SLC44A5: variants seen among roughly 807,000 people sequenced by gnomAD.
SLC44A5 encodes solute carrier family 44 member 5.
A neutral mutation model predicts 101.8 loss-of-function variants in SLC44A5; 57 were observed. The ratio of observed to expected loss-of-function variants is 0.56; its 90% CI spans 0.45 to 0.70. The LOEUF is 0.70. Ranked by LOEUF, SLC44A5 falls within the 30% of genes least tolerant of loss-of-function variation. SLC44A5 has a pLI of 0.00. For missense variants in SLC44A5, 737 were observed against 853.1 expected (o/e 0.86, Z 1.70); for synonymous variants, 281 against 290.9 (o/e 0.97, Z 0.35).
intron 2 of SLC44A5, among the ~76,000 whole-genome samples, chr1:75,463,942 G>A (rs1666660272): frequency 6.6e-6 from 1 of 152,004 alleles, no homozygotes; most frequent in South Asian, 2.1e-4. Flanking sequence ...GAAACAAGAG[G>A]CCGGGCGCAG....
chr1:75,265,786 C>T (rs1454060695), intron 6 of SLC44A5, among the ~76,000 whole-genome samples: 1 of 152,094 alleles, frequency 6.6e-6, no homozygotes, highest in East Asian at 1.9e-4. Flanking sequence ...CTCATGGGGC[C>T]AGGTATTTCA....
intron 6 of SLC44A5, among the ~76,000 whole-genome samples, chr1:75,257,724 C>G (rs1458090526): frequency 2.0e-5 from 3 of 152,084 alleles, no homozygotes; most frequent in Admixed American, 6.5e-5. Flanking sequence ...CACACCCCTC[C>G]CTGAGGTCTA....
upstream of SLC44A5, among the ~76,000 whole-genome samples, chr1:75,615,113 T>C (rs565447714): frequency 3.9e-5 from 6 of 152,058 alleles, no homozygotes; most frequent in Non-Finnish European, 8.8e-5. Context: ...CCGCCATCGC[T>C]TCTCTCCGCG....
chr1:75,245,958 T>C (rs1221243612), intron 7 of SLC44A5, among the ~76,000 whole-genome samples: 2 of 152,114 alleles, frequency 1.3e-5, no homozygotes, highest in African/African-American at 4.8e-5. Flanking sequence ...GTCTGGACCA[T>C]GCCAGCAGTT....
chr1:75,453,680 G>T (rs1666026544), intron 2 of SLC44A5, among the ~76,000 whole-genome samples: 1 of 151,838 alleles, frequency 6.6e-6, no homozygotes, highest in Admixed American at 6.6e-5. Context: ...ATAGAGTGAG[G>T]ATACAAACGA....
intron 3 of SLC44A5, among the ~76,000 whole-genome samples, chr1:75,367,633 T>C (rs187971495): frequency 2.0e-5 from 3 of 152,266 alleles, no homozygotes; most frequent in Non-Finnish European, 4.4e-5. Context: ...ACAGATGTGG[T>C]TCCTCGTGCG....
intron 3 of SLC44A5, 92 bp downstream of exon 3, chr1:75,396,491 G>T: frequency 2.9e-6 from 3 of 1,034,862 alleles, no homozygotes; most frequent in Non-Finnish European, 2.9e-6. Context: ...CAAATATTTC[G>T]CTATTCCTAG....
At chr1:75,646,251 T>C in the SLC44A5 span, among the ~76,000 whole-genome samples, 8 of 137,972 alleles carry the variant, frequency 5.8e-5, no homozygotes, top group African/African-American at 2.0e-4. Context: ...AAATTGATTC[T>C]TCCTATCCAT....
At chr1:75,658,748 A>G in the SLC44A5 span, among the ~76,000 whole-genome samples, 3 of 152,140 alleles carry the variant, frequency 2.0e-5, no homozygotes, top group African/African-American at 7.2e-5. Context: ...CAAACCCAAA[A>G]TTAGTAGAAG....
intron 2 of SLC44A5, among the ~76,000 whole-genome samples, chr1:75,482,040 A>G (rs2101779632): frequency 6.6e-6 from 1 of 152,232 alleles, no homozygotes; most frequent in African/African-American, 2.4e-5. Context: ...ACAATGATAG[A>G]CTGGATTAAG....
intron 23 of SLC44A5, chr1:75,206,589 A>T: frequency 6.9e-7 from 1 of 1,444,544 alleles, no homozygotes; most frequent in Non-Finnish European, 9.7e-7. Context: ...AAAATGAGTG[A>T]CACTGTTTGG....
intron 2 of SLC44A5, among the ~76,000 whole-genome samples, chr1:75,509,274 G>A (rs1669436712): frequency 6.6e-6 from 1 of 152,196 alleles, no homozygotes; most frequent in African/African-American, 2.4e-5. Flanking sequence ...GATGAGAAAA[G>A]AGTAAGAGAA....
chr1:75,324,364 A>G (rs1249658), intron 4 of SLC44A5, among the ~76,000 whole-genome samples: 9,692 of 152,234 alleles, frequency 0.064, 1,076 homozygotes, highest in African/African-American at 0.22. Context: ...AATTCTTTCA[A>G]CTATTTGCAT....
Position 75,445,777 on chromosome 1 carries a change from C to T in SLC44A5, c.14-49156G>A, listed in dbSNP as rs191141722. ...GCTCCAGACCTTTCTCTCCAACTGC[C>T]CATGTGGCATCTATGCTTGGATAGC... On this transcript the variant is annotated intron_variant, in intron 2 of 23. Transcript: ENST00000370859. Among the ~76,000 whole-genome samples, 36 of 152,148 alleles carry T rather than the reference C, an allele frequency of 2.4e-4. No homozygotes were observed. In the East Asian group the frequency reaches 4.5e-3, roughly 19 times the overall value.
At chr1:75,268,364 C>A (rs1416983205) in intron 6 of SLC44A5, among the ~76,000 whole-genome samples, 2 of 152,198 alleles carry the variant, frequency 1.3e-5, no homozygotes, top group Admixed American at 6.5e-5. Context: ...CCATTGCACA[C>A]CAGTCATTCT....
intron 2 of SLC44A5, among the ~76,000 whole-genome samples, chr1:75,512,534 A>G (rs1669621032): frequency 6.6e-6 from 1 of 152,186 alleles, no homozygotes; most frequent in African/African-American, 2.4e-5. Context: ...TCATTCAACA[A>G]TGATTTGGTG....
At chr1:75,620,911 G>T in the SLC44A5 span, among the ~76,000 whole-genome samples, 1 of 152,070 alleles carries the variant, frequency 6.6e-6, no homozygotes, top group Non-Finnish European at 1.5e-5. Context: ...CTTTGCCCAT[G>T]CCTATGTCCT....
chr1:75,512,030 G>C (rs1247906244), intron 2 of SLC44A5, among the ~76,000 whole-genome samples: 1 of 152,184 alleles, frequency 6.6e-6, no homozygotes, highest in Non-Finnish European at 1.5e-5. Context: ...CCTGTGCTAA[G>C]TCCACAGAGC....
At chr1:75,703,289 A>T in the SLC44A5 span, among the ~76,000 whole-genome samples, 3 of 152,146 alleles carry the variant, frequency 2.0e-5, no homozygotes, top group East Asian at 5.8e-4. Context: ...GACTGGATTA[A>T]GAAAATGTGG....
Sources: gnomAD v4.1 joint callset for allele counts (sites outside exome capture counted in the v4.1 genomes callset) on GRCh38, gnomAD v4.1.1 for gene constraint, MANE v1.5 for transcripts, NCBI Gene and HGNC (gene_info 2026-07-23, HGNC 2026-07-21) for gene names.